Variants in PDE1C observed in about 807,000 individuals in gnomAD.
PDE1C encodes dual specificity calcium/calmodulin-dependent 3',5'-cyclic nucleotide phosphodiesterase 1C.
PDE1C carries 62 observed loss-of-function variants against 93.1 expected under a neutral mutation model. The ratio of observed to expected loss-of-function variants is 0.67; its 90% CI spans 0.54 to 0.82. The LOEUF (loss-of-function observed/expected upper bound fraction) is 0.82. Ranked by LOEUF, PDE1C falls within the 40% of genes least tolerant of loss-of-function variation. PDE1C has a pLI of 0.00. For synonymous variants in PDE1C, 325 were observed against 310.1 expected (o/e 1.05, Z -0.50); for missense variants, 742 against 884.6 (o/e 0.84, Z 2.04).
chr7:31,622,560 G>A, the PDE1C span, among the ~76,000 whole-genome samples: 3 of 151,768 alleles, frequency 2.0e-5, no homozygotes, highest in East Asian at 1.9e-4. Flanking sequence ...TGAAACCAAC[G>A]AGAATAAAGA....
intron 2 of PDE1C, among the ~76,000 whole-genome samples, chr7:31,916,329 T>C (rs762279177): frequency 6.6e-6 from 1 of 152,168 alleles, no homozygotes; most frequent in African/African-American, 2.4e-5. Flanking sequence ...TAAGTGATTG[T>C]CAAATAAAAT....
In PDE1C at chr7:31,808,539, T is replaced by C. The variant is rs892270232; in HGVS notation, c.1891+492A>G. ...CTGGCAAAACTGTATTTTACAACCA[T>C]ATATGCTGCCTCCCAACATTAGCAC... On this transcript the variant is annotated intron_variant, in intron 16 of 17. Coordinates refer to ENST00000396191, the MANE Select transcript of PDE1C (RefSeq NM_001191057.4). Among the ~76,000 whole-genome samples the C allele has an allele frequency of 2.6e-5, 4 of 152,006 alleles. No individual in the cohort carries two copies. In the East Asian group the frequency reaches 5.8e-4, roughly 22 times the overall value.
intron 2 of PDE1C, among the ~76,000 whole-genome samples, chr7:31,996,105 A>ACACT (rs1491219543): frequency 5.4e-5 from 8 of 148,216 alleles, no homozygotes; most frequent in African/African-American, 2.0e-4. Context: ...ACACACACAC[A>ACACT]CTTCCATGCA....
At chr7:31,782,550 G>C (rs1422037743) in intron 16 of PDE1C, among the ~76,000 whole-genome samples, 1 of 152,084 alleles carries the variant, frequency 6.6e-6, no homozygotes. Flanking sequence ...CGATACACCA[G>C]GAGGCCCTGA....
intron 2 of PDE1C, among the ~76,000 whole-genome samples, chr7:31,967,719 G>A (rs1810248617): frequency 6.6e-6 from 1 of 152,118 alleles, no homozygotes; most frequent in African/African-American, 2.4e-5. Flanking sequence ...ATAAAACACT[G>A]GCAAACCAAA....
chr7:31,730,609 G>T, the PDE1C span, among the ~76,000 whole-genome samples: 1 of 152,144 alleles, frequency 6.6e-6, no homozygotes, highest in Non-Finnish European at 1.5e-5. Flanking sequence ...TTATTTTTCC[G>T]GTTGGAAAGT....
chr7:32,380,021 C>T (rs1784503806), intron 1 of PDE1C, among the ~76,000 whole-genome samples: 1 of 152,138 alleles, frequency 6.6e-6, no homozygotes, highest in East Asian at 1.9e-4. Flanking sequence ...CTCCCTGTCT[C>T]CTGTATTATC....
intron 1 of PDE1C, among the ~76,000 whole-genome samples, chr7:32,211,595 G>T (rs1222249122): frequency 6.6e-6 from 1 of 151,654 alleles, no homozygotes; most frequent in African/African-American, 2.4e-5. Flanking sequence ...AAAAAGGGGG[G>T]GGTAAGAAAA....
intron 3 of PDE1C, among the ~76,000 whole-genome samples, chr7:32,096,043 T>A (rs1797731733): frequency 6.6e-6 from 1 of 152,204 alleles, no homozygotes; most frequent in South Asian, 2.1e-4. Context: ...TTACAAAATA[T>A]TAAGATGGTA....
intron 2 of PDE1C, among the ~76,000 whole-genome samples, chr7:31,973,481 TA>T (rs1811241215): frequency 6.6e-6 from 1 of 152,198 alleles, no homozygotes; most frequent in South Asian, 2.1e-4. Flanking sequence ...AGTTTGATGT[TA>T]TTTTTCACTG....
In PDE1C at chr7:31,847,957, C is replaced by A; in HGVS notation, c.980+11G>T. ...CCTGGCCTACAAATCTCTCTCTTTT[C>A]TCATCCTTACCTCCAGTCATCCTTT... On this transcript the variant is annotated intron_variant, in intron 9 of 17. Transcript: ENST00000396191. 6.2e-7 allele frequency: 1 copy of A among 1,612,088 alleles called. No homozygotes were observed. Among genetic ancestry groups the A allele is most frequent in the Non-Finnish European group, 8.5e-7 (1 of 1,179,194 alleles).
At chr7:31,823,573 T>C (rs561233134) in intron 13 of PDE1C, among the ~76,000 whole-genome samples, 1 of 152,204 alleles carries the variant, frequency 6.6e-6, no homozygotes, top group Non-Finnish European at 1.5e-5. Flanking sequence ...ACTGACTAAT[T>C]TGAACTGGGA....
intron 1 of PDE1C, among the ~76,000 whole-genome samples, chr7:32,277,476 C>T (rs567415691): frequency 1.3e-5 from 2 of 152,144 alleles, no homozygotes; most frequent in African/African-American, 4.8e-5. Flanking sequence ...AAAGCAGATA[C>T]TTCTGATAAA....
intron 1 of PDE1C, 26 bp downstream of exon 1, chr7:32,070,267 C>T: frequency 6.2e-7 from 1 of 1,613,590 alleles, no homozygotes; most frequent in Non-Finnish European, 8.5e-7. Flanking sequence ...GGAAATGGGG[C>T]AGGAGAAGTA....
chr7:32,016,265 T>C (rs1787895845), intron 2 of PDE1C, among the ~76,000 whole-genome samples: 1 of 152,174 alleles, frequency 6.6e-6, no homozygotes, highest in South Asian at 2.1e-4. Context: ...GCTGTTTTCT[T>C]TATTAGAGAA....
At chr7:31,617,429 A>C in the PDE1C span, among the ~76,000 whole-genome samples, 1 of 152,184 alleles carries the variant, frequency 6.6e-6, no homozygotes, top group Non-Finnish European at 1.5e-5. Flanking sequence ...AATAATAACC[A>C]AATCTCCCCA....
At chr7:32,009,064 A>T (rs1287151102) in intron 2 of PDE1C, among the ~76,000 whole-genome samples, 1 of 152,242 alleles carries the variant, frequency 6.6e-6, no homozygotes, top group Non-Finnish European at 1.5e-5. Flanking sequence ...CAGTGACTAG[A>T]TTTATCCTCC....
intron 3 of PDE1C, among the ~76,000 whole-genome samples, chr7:32,124,276 G>T (rs1469800630): frequency 1.3e-5 from 2 of 152,110 alleles, no homozygotes; most frequent in Non-Finnish European, 2.9e-5. Context: ...TGGCCATATT[G>T]ACCAAAGTAG....
At chr7:31,793,743 T>C (rs974427791) in intron 16 of PDE1C, among the ~76,000 whole-genome samples, 4 of 151,858 alleles carry the variant, frequency 2.6e-5, no homozygotes, top group Non-Finnish European at 5.9e-5. Flanking sequence ...TGTTAGGCTT[T>C]ATCCAGGTAT....
Sources: gnomAD v4.1 joint callset for allele counts (sites outside exome capture counted in the v4.1 genomes callset) on GRCh38, gnomAD v4.1.1 for gene constraint, MANE v1.5 for transcripts, NCBI Gene and HGNC (gene_info 2026-07-23, HGNC 2026-07-21) for gene names.